MED16: variants seen among roughly 807,000 people sequenced by gnomAD.
MED16 encodes the protein mediator complex subunit 16, also known as mediator of RNA polymerase II transcription subunit 16.
Under a neutral mutation model 84.4 loss-of-function variants are expected in MED16, and 81 were observed. The observed-to-expected ratio is 0.96, with a 90% CI of 0.80 to 1.15. MED16 has a LOEUF of 1.15. Ranked by LOEUF, MED16 falls within the 50% of genes most tolerant of loss-of-function variation. The pLI, the probability that MED16 is intolerant of heterozygous loss-of-function variation, is 0.00. For missense variants in MED16, 1,585 were observed against 1,245.9 expected, an observed-to-expected ratio of 1.27 and a Z score of -4.10; for synonymous variants, 897 against 552.2, an observed-to-expected ratio of 1.62 and a Z score of -8.76.
chr19:868,489 C>T lies in MED16; in HGVS notation c.2410G>A (p.Val804Ile), dbSNP rs1463850013. Residue 804 changes from valine to isoleucine, a missense_variant, in exon 15 of 16, where the codon GTC becomes ATC. Physicochemically the swap from Val to Ile is conservative, Grantham distance 29 (BLOSUM62 3). Transcript: ENST00000325464. ...ECKACTRCGC[V>I]TMLKSPNRTT... is the part of the protein sequence containing the mutation. ...CTGTTGGGCGACTTGAGCATGGTGA[C>T]ACAGCCGCACCTGCGGGGAGGCAGG... The T allele has an allele frequency of 6.2e-7, 1 of 1,610,558 alleles. No homozygotes were observed. The highest frequency in any genetic ancestry group is 1.7e-5 in the Admixed American group (1 of 59,986).
At chr19:872,263 G>A (rs1403603707) in intron 11 of MED16, 145 bp from the exon 12 acceptor site, 5 of 647,378 alleles carry the variant, frequency 7.7e-6, no homozygotes, top group East Asian at 5.9e-5. Flanking sequence ...GGGTGCTTCT[G>A]GCACCGAGTG....
In MED16 at chr19:875,447, G is replaced by T; in HGVS notation, c.1568C>A (p.Ser523Tyr). The T allele has an allele frequency of 6.2e-7, 1 of 1,600,242 alleles. No individual in the cohort carries two copies. The highest frequency in any genetic ancestry group is 8.5e-7 in the Non-Finnish European group (1 of 1,179,246). Residue 523 changes from serine to tyrosine, a missense_variant, in exon 10 of 16, where the codon TCC becomes TAC. Coordinates refer to ENST00000325464, the MANE Select transcript of MED16 (RefSeq NM_005481.3). ...GGCCTTCATGGCCAGGATCCGGGTG[G>T]AGAGGACCTGAGGGCAGGAAGCCAG... is the stretch of plus-strand genomic sequence containing the variant. ...RQTAALQQVL[S>Y]TRILAMKASL...
chr19:885,040 G>C (rs371135411), intron 5 of MED16, 32 bp from the exon 6 acceptor site: 4 of 1,531,272 alleles, frequency 2.6e-6, no homozygotes, highest in Non-Finnish European at 3.5e-6. Context: ...GGGCTGACCC[G>C]GCACTGCTGT....
chr19:886,621 A>G (rs113415855), intron 4 of MED16, among the ~76,000 whole-genome samples: 2,778 of 152,352 alleles, frequency 0.018, 73 homozygotes, highest in African/African-American at 0.062. Context: ...GGGGGCCGTC[A>G]GGCCCTGGGC....
chr19:872,159 G>C, intron 11 of MED16, 41 bp from the exon 12 acceptor site: 1 of 1,548,458 alleles, frequency 6.5e-7, no homozygotes, highest in Middle Eastern at 1.7e-4. Flanking sequence ...GCGGCGGGGG[G>C]CAGATGGCGA....
intron 14 of MED16, 78 bp downstream of exon 14, chr19:868,785 G>T: frequency 2.1e-6 from 3 of 1,427,202 alleles, no homozygotes; most frequent in East Asian, 2.5e-5. Context: ...CGTCTGGAGC[G>T]CTGGGTGGGG....
chr19:891,100 C>G lies in MED16; in HGVS notation c.32G>C (p.Gly11Ala), dbSNP rs535110834. 6.2e-7 allele frequency: 1 copy of G among 1,613,822 alleles called. No individual in the cohort carries two copies. The highest frequency in any genetic ancestry group is 1.7e-5 in the Admixed American group (1 of 59,940). The change falls in exon 2 of 16, where the codon GGG (glycine) becomes GCG (alanine). Residue 11 changes from glycine to alanine, a missense_variant. Physicochemically the swap from Gly to Ala is moderately conservative, Grantham distance 60. Transcript: ENST00000325464. The stretch of plus-strand genomic sequence containing the variant: ...ACAGACGTAGGCCAAGTCCATCATC[C>G]CACCTGCCGCTGGCCGCCGCAAATC... MCDLRRPAAG[G>A]MMDLAYVCEW...
chr19:870,431 C>T (rs1405196657), intron 13 of MED16, among the ~76,000 whole-genome samples: 1 of 152,028 alleles, frequency 6.6e-6, no homozygotes, highest in Non-Finnish European at 1.5e-5. Context: ...TGTGGTGGCT[C>T]ATGCCTGTAA....
rs563090751 is a variant in MED16, at chr19:875,236, G to T, written c.1771+8C>A. The T allele has an allele frequency of 6.3e-7, 1 of 1,594,942 alleles. No homozygotes were observed. Among genetic ancestry groups the T allele is most frequent in the East Asian group, 2.3e-5 (1 of 44,296 alleles). On this transcript the variant is annotated splice_region_variant and intron_variant, in intron 10 of 15. Coordinates refer to ENST00000325464, the MANE Select transcript of MED16 (RefSeq NM_005481.3). ...ACCTCGAGGCCCCGGGCGTGGAAAA[G>T]GACCCACCGACGTCGGTGATCTTGG...
At position 891,104 on chromosome 19, in the gene MED16, C is replaced by A. The variant is rs2036622573; in HGVS notation, c.28G>T (p.Gly10Cys). Residue 10 changes from glycine to cysteine, a missense_variant, in exon 2 of 16, where the codon GGT becomes TGT. Gly to Cys is a radical substitution (Grantham distance 159). Transcript: ENST00000325464. ...ACGTAGGCCAAGTCCATCATCCCAC[C>A]TGCCGCTGGCCGCCGCAAATCACAC... MCDLRRPAA[G>C]GMMDLAYVCE... The A allele has an allele frequency of 6.2e-7, 1 of 1,613,794 alleles. No individual in the cohort carries two copies.
At chr19:870,975 C>T in intron 13 of MED16, 62 bp downstream of exon 13, 6 of 1,413,918 alleles carry the variant, frequency 4.2e-6, no homozygotes, top group Non-Finnish European at 5.7e-6. Flanking sequence ...ATTCGGGGGT[C>T]CCGGGGCAGG....
chr19:889,828 T>C (rs1380450182), intron 3 of MED16, 21 bp from the exon 4 acceptor site: 4 of 1,599,016 alleles, frequency 2.5e-6, no homozygotes, highest in East Asian at 2.3e-5. Context: ...GAAGCCATCA[T>C]TGCGAACCTT....
intron 4 of MED16, among the ~76,000 whole-genome samples, chr19:888,082 T>C (rs564762282): frequency 2.0e-5 from 3 of 151,880 alleles, no homozygotes; most frequent in African/African-American, 7.2e-5. Context: ...CGGGCGCCTG[T>C]AATCCCAGCT....
At position 890,846 on chromosome 19, in the gene MED16, G is replaced by A. The variant is rs933136872; in HGVS notation, c.169+117C>T. On this transcript the variant is annotated intron_variant, in intron 2 of 15. Coordinates refer to ENST00000325464, the MANE Select transcript of MED16 (RefSeq NM_005481.3). ...CACACAAGTTACAGAGGAGGGCCAG[G>A]GTGAGTGAGAGGTGGCCTGAGAGAC... is the stretch of plus-strand genomic sequence containing the variant. 4.4e-6 allele frequency: 5 copies of A among 1,136,776 alleles called. No homozygotes were observed. In the African/African-American group the frequency reaches 6.3e-5, roughly 14 times the overall value. 70.4% of individuals were successfully genotyped at this position (1,136,776 alleles called of 1,614,324 possible). A position where few individuals can be genotyped will look rare whatever the true frequency, so the allele number is the denominator to read the frequency against.
intron 8 of MED16, among the ~76,000 whole-genome samples, chr19:877,766 C>A (rs1165997860): frequency 2.6e-5 from 2 of 76,908 alleles, no homozygotes; most frequent in Admixed American, 2.3e-4. Context: ...TCAATGCCCA[C>A]CAGCCCCAGC....
In MED16 at chr19:868,101, T is replaced by C. The variant is rs1440967512; in HGVS notation, c.2634A>G (p.Ter878TrpextTer?). The change falls in exon 16 of 16, where the codon TGA becomes TGG. Residue 878 changes from the stop codon to tryptophan (W), a stop_lost. Coordinates refer to ENST00000325464, the MANE Select transcript of MED16 (RefSeq NM_005481.3). Reference sequence around the variant, plus strand: ...CAAGGTCCGCCTGGACCCCCGGCCGTCACGGACGGTCCTCTGGATGCAGAT... The same window carrying C: ...CAAGGTCCGCCTGGACCCCCGGCCGCCACGGACGGTCCTCTGGATGCAGAT... ...LDHLHPEDRP[*>W] The C allele has an allele frequency of 2.5e-6, 4 of 1,606,264 alleles. No homozygotes were observed. Among genetic ancestry groups the C allele is most frequent in the South Asian group, 1.1e-5 (1 of 90,434 alleles).
At chr19:878,443 C>T (rs1442581415) in intron 8 of MED16, among the ~76,000 whole-genome samples, 3 of 139,000 alleles carry the variant, frequency 2.2e-5, no homozygotes, top group East Asian at 2.3e-4. Context: ...GCCCCGGCCC[C>T]GGCCCCGGCC....
At chr19:878,709 G>A (rs748278552) in intron 8 of MED16, among the ~76,000 whole-genome samples, 188 of 1,754 alleles carry the variant, frequency 0.11, no homozygotes, top group East Asian at 0.23. Context: ...CCAGCAGCTC[G>A]CCTTCCCCTG....
chr19:876,049 G>A (rs758369248), intron 9 of MED16, among the ~76,000 whole-genome samples: 1 of 152,228 alleles, frequency 6.6e-6, no homozygotes, highest in African/African-American at 2.4e-5. Flanking sequence ...GCTGTCACTG[G>A]CTACGGATCC....
Sources: gnomAD v4.1 joint callset for allele counts (sites outside exome capture counted in the v4.1 genomes callset) on GRCh38, gnomAD v4.1.1 for gene constraint, MANE v1.5 for transcripts, NCBI Gene and HGNC (gene_info 2026-07-23, HGNC 2026-07-21) for gene names.